ZNF385D: variants seen among roughly 807,000 people sequenced by gnomAD.
ZNF385D encodes zinc finger protein 659.
ZNF385D carries 15 observed loss-of-function variants against 35.8 expected under a neutral mutation model. That is an observed-to-expected ratio of 0.42 (90% CI 0.28 to 0.64). ZNF385D has a LOEUF of 0.64. Among genes scored for constraint, ZNF385D ranks in the 30% least tolerant of loss-of-function variants. The probability of loss-of-function intolerance (pLI) is 0.23; values close to 1 mark genes in which losing one functional copy is unlikely to be tolerated. For synonymous variants in ZNF385D, 212 were observed against 186.8 expected, an observed-to-expected ratio of 1.13 and a Z score of -1.10; for missense variants, 474 against 494.6, an observed-to-expected ratio of 0.96 and a Z score of 0.39.
intron 3 of ZNF385D, among the ~76,000 whole-genome samples, chr3:21,879,104 C>T (rs1184086111): frequency 6.6e-6 from 1 of 151,946 alleles, no homozygotes; most frequent in Non-Finnish European, 1.5e-5. Context: ...AAGATAGAAA[C>T]ACTTTGCTTG....
chr3:21,749,012 C>A (rs1372766666), intron 1 of ZNF385D, among the ~76,000 whole-genome samples: 1 of 152,056 alleles, frequency 6.6e-6, no homozygotes, highest in Admixed American at 6.6e-5. Context: ...CCGAAAGAAA[C>A]AGCATTCCTG....
At chr3:21,586,533 T>G (rs906654366) in intron 2 of ZNF385D, among the ~76,000 whole-genome samples, 2 of 152,164 alleles carry the variant, frequency 1.3e-5, no homozygotes, top group African/African-American at 2.4e-5. Flanking sequence ...GTAGAGAGAT[T>G]AGTTAATATA....
intron 1 of ZNF385D, among the ~76,000 whole-genome samples, chr3:21,746,474 T>C (rs920713609): frequency 1.3e-5 from 2 of 152,234 alleles, no homozygotes; most frequent in African/African-American, 4.8e-5. Context: ...ATCTTAGATT[T>C]CAGGTTCTTA....
intron 1 of ZNF385D, among the ~76,000 whole-genome samples, chr3:21,711,042 T>TTTTTTTG (rs1462278694): frequency 8.3e-6 from 1 of 120,034 alleles, no homozygotes; most frequent in African/African-American, 3.3e-5. Flanking sequence ...TCTAAAAGTT[T>TTTTTTTG]TTTTTTTTTT....
At chr3:22,222,472 T>C (rs1364487073) in intron 2 of ZNF385D, among the ~76,000 whole-genome samples, 1 of 152,198 alleles carries the variant, frequency 6.6e-6, no homozygotes, top group African/African-American at 2.4e-5. Context: ...AAGGAAATGG[T>C]CATTTCTTCA....
chr3:21,548,635 T>C (rs1333389574), intron 3 of ZNF385D, among the ~76,000 whole-genome samples: 3 of 152,220 alleles, frequency 2.0e-5, no homozygotes, highest in African/African-American at 4.8e-5. Flanking sequence ...TTTTTAAATA[T>C]GTTTCTATAT....
rs2064536095 is a variant in ZNF385D, at chr3:21,608,012, C to CTTCTTTTTTTTTTTTTTTTTTTTTTTTTT, written c.166-43329_166-43328insAAAAAAAAAAAAAAAAAAAAAAAAAAGAA. ...ATGAAAAGATGTAATTCTTTTTCTT[C>CTTCTTTTTTTTTTTTTTTTTTTTTTTTTT]TTTTTTTTTTGTTTTTTTTTTTTGA... On this transcript the variant is annotated intron_variant, in intron 2 of 7. Transcript: ENST00000281523. 1.0e-4 allele frequency among the ~76,000 whole-genome samples: 13 copies of CTTCTTTTTTTTTTTTTTTTTTTTTTTTTT among 123,956 alleles called. 2 individuals are homozygous for CTTCTTTTTTTTTTTTTTTTTTTTTTTTTT. Among genetic ancestry groups the CTTCTTTTTTTTTTTTTTTTTTTTTTTTTT allele is most frequent in the African/African-American group, 3.8e-4 (12 of 31,946 alleles). 81.3% of individuals were successfully genotyped at this position (123,956 alleles called of 152,430 possible). A position where few individuals can be genotyped will look rare whatever the true frequency, so the allele number is the denominator to read the frequency against.
At chr3:21,562,788 A>G (rs2062998844) in intron 3 of ZNF385D, among the ~76,000 whole-genome samples, 1 of 151,304 alleles carries the variant, frequency 6.6e-6, no homozygotes. Flanking sequence ...ATCAAAGTTG[A>G]AGCTGTTGAG....
intron 2 of ZNF385D, among the ~76,000 whole-genome samples, chr3:22,180,222 G>C (rs572408452): frequency 3.0e-4 from 46 of 152,114 alleles, no homozygotes; most frequent in African/African-American, 5.5e-4. Flanking sequence ...TACACCCTCC[G>C]AAGACTAAAC....
chr3:22,106,756 C>T (rs192884260), intron 3 of ZNF385D, among the ~76,000 whole-genome samples: 1 of 152,176 alleles, frequency 6.6e-6, no homozygotes, highest in Non-Finnish European at 1.5e-5. Context: ...TGTGACGCAA[C>T]TGGATCTGTA....
At chr3:21,809,496 A>G (rs2125703628) in intron 3 of ZNF385D, among the ~76,000 whole-genome samples, 1 of 151,972 alleles carries the variant, frequency 6.6e-6, no homozygotes, top group Non-Finnish European at 1.5e-5. Flanking sequence ...AGGCTTTTAG[A>G]TTCTTTTTGA....
chr3:21,839,462 A>C (rs17009729), intron 3 of ZNF385D, among the ~76,000 whole-genome samples: 10,658 of 152,116 alleles, frequency 0.07, 548 homozygotes, highest in East Asian at 0.2. Flanking sequence ...TTCCTAAACT[A>C]TGTCCAGTTC....
Position 21,646,098 on chromosome 3 carries a change from A to G in ZNF385D, c.165+18788T>C, listed in dbSNP as rs887920585. On this transcript the variant is annotated intron_variant, in intron 2 of 7. Transcript: ENST00000281523. This position sits in a 1 kb window ranked among gnomAD's most constrained non-coding sequence, Gnocchi z 4.3. ...GTGGAGGCTGAGGCCAAAGTGTCAGATAAGTTTTTTTTAAAGAAAGAAAAC... is the reference window on the plus strand; with the variant it reads ...GTGGAGGCTGAGGCCAAAGTGTCAGGTAAGTTTTTTTTAAAGAAAGAAAAC... 1.3e-5 allele frequency among the ~76,000 whole-genome samples: 2 copies of G among 151,996 alleles called. No homozygotes were observed. Among genetic ancestry groups the G allele is most frequent in the Admixed American group, 6.6e-5 (1 of 15,264 alleles).
chr3:21,523,968 G>C (rs1708069265), intron 3 of ZNF385D, among the ~76,000 whole-genome samples: 1 of 152,166 alleles, frequency 6.6e-6, no homozygotes, highest in Admixed American at 6.5e-5. Flanking sequence ...AGAGAAATGA[G>C]TAATCATTTG....
intron 4 of ZNF385D, among the ~76,000 whole-genome samples, chr3:21,455,993 C>A (rs1702783940): frequency 9.2e-5 from 14 of 152,200 alleles, no homozygotes; most frequent in Admixed American, 9.2e-4. Flanking sequence ...AAATGCTCAT[C>A]ATCACTGGCC....
Position 22,179,091 on chromosome 3 carries a change from C to T in ZNF385D, c.107-10056G>A, listed in dbSNP as rs1445412613. The stretch of plus-strand genomic sequence containing the variant: ...GGGCTCTTTTTTGGTTCCATATGAA[C>T]TTTAAAGTAGTTTTTTCCAGTTCTG... On this transcript the variant is annotated intron_variant, in intron 2 of 5. Transcript: ENST00000494108. 2.6e-5 allele frequency among the ~76,000 whole-genome samples: 4 copies of T among 152,064 alleles called. No individual in the cohort carries two copies. The East Asian group carries it at 5.8e-4, about 22-fold the overall frequency.
chr3:21,904,368 A>G (rs1699568764), intron 3 of ZNF385D, among the ~76,000 whole-genome samples: 1 of 151,536 alleles, frequency 6.6e-6, no homozygotes, highest in Non-Finnish European at 1.5e-5. Flanking sequence ...AACTATGAAG[A>G]GTATATATTT....
chr3:21,441,639 C>T lies in ZNF385D; in HGVS notation c.440-4436G>A, dbSNP rs1701864549. 6.2e-6 allele frequency: 6 copies of T among 966,096 alleles called. No individual in the cohort carries two copies. The South Asian group carries it at 1.4e-4, about 23-fold the overall frequency. 59.8% of individuals were successfully genotyped at this position (966,096 alleles called of 1,614,324 possible). A position where few individuals can be genotyped will look rare whatever the true frequency, so the allele number is the denominator to read the frequency against. On this transcript the variant is annotated intron_variant, in intron 4 of 7. Transcript: ENST00000281523. Reference sequence around the variant, plus strand: ...GCTAAGGTATTAAGTTGCTTAAAATCATTTAGAAGGAGGAAAGAAAAGGAA... The same window carrying T: ...GCTAAGGTATTAAGTTGCTTAAAATTATTTAGAAGGAGGAAAGAAAAGGAA...
chr3:21,674,895 A>AATGG (rs150113836), intron 1 of ZNF385D, among the ~76,000 whole-genome samples: 12,075 of 150,360 alleles, frequency 0.08, 523 homozygotes, highest in East Asian at 0.12. Context: ...TTGTTTTAGA[A>AATGG]ATGGATGGAT....
Sources: allele counts gnomAD v4.1 joint callset (sites outside exome capture counted in the v4.1 genomes callset), GRCh38; gene constraint gnomAD v4.1.1; non-coding constraint Gnocchi (gnomAD v3.1); transcripts MANE v1.5; gene names NCBI Gene and HGNC (gene_info 2026-07-23, HGNC 2026-07-21).